ZNF423: variants seen among roughly 807,000 people sequenced by gnomAD.
ZNF423 encodes Ebf-associated zinc finger protein.
ZNF423 carries 12 observed loss-of-function variants against 95.8 expected under a neutral mutation model. That is an observed-to-expected ratio of 0.13 (90% CI 0.08 to 0.20). ZNF423 has a LOEUF of 0.20. Ranked by LOEUF, ZNF423 falls within the 10% of genes least tolerant of loss-of-function variation. ZNF423 has a pLI of 1.00. For synonymous variants in ZNF423, 749 were observed against 711.9 expected, an observed-to-expected ratio of 1.05 and a Z score of -0.83; for missense variants, 1,316 against 1,737.1, an observed-to-expected ratio of 0.76 and a Z score of 4.31.
At chr16:49,593,278 T>C (rs1250488238) in intron 5 of ZNF423, among the ~76,000 whole-genome samples, 1 of 151,772 alleles carries the variant, frequency 6.6e-6, no homozygotes. Context: ...ACAAAAAAAA[T>C]TTAAAAATTA....
upstream of ZNF423, among the ~76,000 whole-genome samples, chr16:49,858,728 C>CA (rs1555491188): frequency 2.9e-5 from 4 of 139,854 alleles, no homozygotes; most frequent in Admixed American, 1.4e-4. The surrounding 1 kb of genome is among the most constrained non-coding windows in gnomAD (Gnocchi z 4.3). Context: ...CCCCCCCCCC[C>CA]ACGCCCCCGC....
At chr16:49,647,143 T>C (rs1973207109) in intron 3 of ZNF423, among the ~76,000 whole-genome samples, 4 of 152,164 alleles carry the variant, frequency 2.6e-5, no homozygotes. Context: ...TTTCTTGAGG[T>C]CCACCATGCA....
At chr16:49,575,552 A>T (rs947437009) in intron 5 of ZNF423, among the ~76,000 whole-genome samples, 11 of 152,176 alleles carry the variant, frequency 7.2e-5, no homozygotes, top group Non-Finnish European at 1.3e-4. Flanking sequence ...GTTCAGCAGC[A>T]CAGGGAGATA....
chr16:49,664,264 G>T (rs1596816295), intron 3 of ZNF423: 1 of 985,588 alleles, frequency 1.0e-6, no homozygotes, highest in Non-Finnish European at 1.2e-6. Flanking sequence ...CGGCCGCCTG[G>T]GCCGGCGGAG....
At chr16:49,663,269 G>A (rs1389099967) in intron 3 of ZNF423, among the ~76,000 whole-genome samples, 1 of 152,166 alleles carries the variant, frequency 6.6e-6, no homozygotes, top group Non-Finnish European at 1.5e-5. Context: ...TGTAATTGCA[G>A]AACCTAAGTT....
chr16:49,533,171 G>T (rs183954507), intron 5 of ZNF423, among the ~76,000 whole-genome samples: 1 of 152,328 alleles, frequency 6.6e-6, no homozygotes, highest in Admixed American at 6.5e-5. Flanking sequence ...TGATCACTAG[G>T]TTGTCTTCCT....
chr16:49,588,821 G>A (rs997521955), intron 5 of ZNF423, among the ~76,000 whole-genome samples: 2 of 152,194 alleles, frequency 1.3e-5, no homozygotes, highest in Admixed American at 6.5e-5. Flanking sequence ...CTACCACTAC[G>A]CCACCAGTGG....
chr16:49,825,062 T>C (rs550839244), intron 1 of ZNF423, among the ~76,000 whole-genome samples: 53 of 152,320 alleles, frequency 3.5e-4, no homozygotes, highest in African/African-American at 1.2e-3. Context: ...AGTTTTAGAT[T>C]TGCATTTTAT....
intron 3 of ZNF423, among the ~76,000 whole-genome samples, chr16:49,660,832 G>A (rs2030177333): frequency 6.6e-6 from 1 of 151,402 alleles, no homozygotes; most frequent in Non-Finnish European, 1.5e-5. Context: ...GGGGCAGGGT[G>A]TGGGGGGATG....
At chr16:49,703,869 TGTGCCCAGCCCA>T (rs563704300) in intron 3 of ZNF423, among the ~76,000 whole-genome samples, 439 of 152,316 alleles carry the variant, frequency 2.9e-3, no homozygotes, top group Non-Finnish European at 4.7e-3. Context: ...ATCACCAGCT[TGTGCCCAGCCCA>T]GTGCCCGGCA....
At chr16:49,575,175 A>G (rs1384304194) in intron 5 of ZNF423, among the ~76,000 whole-genome samples, 1 of 152,174 alleles carries the variant, frequency 6.6e-6, no homozygotes, top group South Asian at 2.1e-4. Context: ...AGGAAAGTGG[A>G]TATGCTAAGA....
chr16:49,545,919 C>T (rs553424921), intron 5 of ZNF423, among the ~76,000 whole-genome samples: 4 of 152,314 alleles, frequency 2.6e-5, no homozygotes, highest in Non-Finnish European at 4.4e-5. Flanking sequence ...TAAGTGACAG[C>T]GCCCAGGCCT....
intron 5 of ZNF423, among the ~76,000 whole-genome samples, chr16:49,578,495 T>C (rs1169167332): frequency 6.6e-6 from 1 of 152,222 alleles, no homozygotes. Context: ...CTCCGAGAGC[T>C]TGTGGGCCGC....
intron 3 of ZNF423, among the ~76,000 whole-genome samples, chr16:49,663,397 A>C: frequency 6.7e-6 from 1 of 150,098 alleles, no homozygotes; most frequent in East Asian, 2.0e-4. Flanking sequence ...CCCCCAGCCC[A>C]CCCCCCTCGA....
intron 2 of ZNF423, among the ~76,000 whole-genome samples, chr16:49,753,380 T>C (rs916340476): frequency 6.6e-6 from 1 of 150,506 alleles, no homozygotes; most frequent in Non-Finnish European, 1.5e-5. Context: ...GGTGGGAGGA[T>C]TGCTTGAGCC....
intron 1 of ZNF423, among the ~76,000 whole-genome samples, chr16:49,820,860 T>A (rs1208430972): frequency 6.6e-6 from 1 of 152,262 alleles, no homozygotes; most frequent in Admixed American, 6.5e-5. Context: ...GTTTAGCTCT[T>A]AAGACTTGAT....
Position 49,537,056 on chromosome 16 carries a change from C to G in ZNF423, c.3602-11562G>C, listed in dbSNP as rs563335881. On this transcript the variant is annotated intron_variant, in intron 5 of 7. Coordinates refer to ENST00000563137, the MANE Select transcript of ZNF423 (RefSeq NM_001379286.1). Reference sequence around the variant, plus strand: ...GCACTTGCTTGCAATTGCAATTGCCCTGCCTGAGAAACCACTTAGATGTGA... The same window carrying G: ...GCACTTGCTTGCAATTGCAATTGCCGTGCCTGAGAAACCACTTAGATGTGA... Among the ~76,000 whole-genome samples the G allele has an allele frequency of 3.3e-5, 5 of 152,342 alleles. No individual in the cohort carries two copies. In the East Asian group the frequency reaches 9.6e-4, roughly 29 times the overall value.
chr16:49,731,479 C>T (rs2033166228), intron 2 of ZNF423: 1 of 602,792 alleles, frequency 1.7e-6, no homozygotes, highest in Non-Finnish European at 2.1e-6. Context: ...AAAGGAAGTA[C>T]ACATGTTTGA....
chr16:49,742,312 A>G (rs946235545), intron 2 of ZNF423, among the ~76,000 whole-genome samples: 7 of 152,322 alleles, frequency 4.6e-5, no homozygotes, highest in Middle Eastern at 3.4e-3. Flanking sequence ...AATGAGTGGA[A>G]AGAAAAGAAG....
Sources: allele counts gnomAD v4.1 joint callset (sites outside exome capture counted in the v4.1 genomes callset), GRCh38; gene constraint gnomAD v4.1.1; non-coding constraint Gnocchi (gnomAD v3.1); transcripts MANE v1.5; gene names NCBI Gene and HGNC (gene_info 2026-07-23, HGNC 2026-07-21).